Variants in NCAM2 observed in about 807,000 individuals in gnomAD.
The protein encoded by NCAM2 is neural cell adhesion molecule 2, also known as N-CAM-2.
NCAM2 carries 30 observed loss-of-function variants against 98.1 expected under a neutral mutation model. The ratio of observed to expected loss-of-function variants is 0.31; its 90% confidence interval spans 0.23 to 0.41. The LOEUF is 0.41. NCAM2 is among the 10% of genes least tolerant of loss of function. The pLI, the probability that NCAM2 is intolerant of heterozygous loss-of-function variation, is 1.00. For missense variants in NCAM2, 867 were observed against 1,005.8 expected (o/e 0.86, Z 1.87); for synonymous variants, 368 against 342.4 (o/e 1.07, Z -0.83).
At chr21:21,534,471 TG>T in intron 16 of NCAM2, 65 bp from the exon 17 acceptor site, 1 of 1,318,192 alleles carries the variant, frequency 7.6e-7, no homozygotes, top group Non-Finnish European at 1.0e-6. Context: ...TTTTAAACTC[TG>T]TTTTTTTCCA....
chr21:21,443,504 T>C (rs1409454279), intron 12 of NCAM2, among the ~76,000 whole-genome samples: 1 of 152,160 alleles, frequency 6.6e-6, no homozygotes, highest in African/African-American at 2.4e-5. Context: ...CTGTGTATTT[T>C]TATGTATATT....
intron 1 of NCAM2, among the ~76,000 whole-genome samples, chr21:21,075,700 A>G (rs2065666792): frequency 6.6e-6 from 1 of 152,060 alleles, no homozygotes; most frequent in Non-Finnish European, 1.5e-5. Flanking sequence ...TTTTATTTTT[A>G]TCATAAATGG....
At chr21:21,231,655 C>T (rs2070632455) in intron 1 of NCAM2, among the ~76,000 whole-genome samples, 1 of 151,000 alleles carries the variant, frequency 6.6e-6, no homozygotes, top group Non-Finnish European at 1.5e-5. Flanking sequence ...TAAAAATTTC[C>T]ATCGGAGTAA....
chr21:21,015,388 C>A (rs569344532), intron 1 of NCAM2, among the ~76,000 whole-genome samples: 4 of 152,240 alleles, frequency 2.6e-5, no homozygotes, highest in South Asian at 4.2e-4. Flanking sequence ...TGAGCAAACC[C>A]CTACCCTGAT....
chr21:21,414,122 G>C (rs1268905044), intron 10 of NCAM2, among the ~76,000 whole-genome samples: 1 of 152,126 alleles, frequency 6.6e-6, no homozygotes, highest in Non-Finnish European at 1.5e-5. Context: ...TCCATGAAGA[G>C]CAATTTTCCC....
At chr21:21,374,310 T>C (rs1021156948) in intron 9 of NCAM2, among the ~76,000 whole-genome samples, 1 of 151,878 alleles carries the variant, frequency 6.6e-6, no homozygotes, top group Non-Finnish European at 1.5e-5. Context: ...TAATTATCAG[T>C]AATTGGTCGA....
intron 1 of NCAM2, among the ~76,000 whole-genome samples, chr21:21,028,803 G>C (rs1403440242): frequency 1.3e-5 from 2 of 152,148 alleles, no homozygotes; most frequent in African/African-American, 4.8e-5. Flanking sequence ...AAGACACCTG[G>C]TCGTATTTAA....
intron 15 of NCAM2, among the ~76,000 whole-genome samples, chr21:21,493,963 A>G (rs9979523): frequency 0.086 from 13,084 of 151,980 alleles, 716 homozygotes; most frequent in East Asian, 0.27. Context: ...TGCTTAAAAT[A>G]TGTAGTTTTA....
chr21:21,344,857 C>T (rs1052219857), intron 8 of NCAM2, among the ~76,000 whole-genome samples: 1 of 152,122 alleles, frequency 6.6e-6, no homozygotes, highest in African/African-American at 2.4e-5. Flanking sequence ...AGGTCTAAAA[C>T]AGCACAGCCA....
chr21:21,519,861 C>A (rs2826878), intron 16 of NCAM2, among the ~76,000 whole-genome samples: 49,919 of 151,896 alleles, frequency 0.33, 9,609 homozygotes, highest in East Asian at 0.61. Flanking sequence ...CTAGCTCTTT[C>A]ATGTTTTCAA....
intron 1 of NCAM2, among the ~76,000 whole-genome samples, chr21:21,157,990 A>G (rs2067666846): frequency 1.3e-5 from 2 of 152,220 alleles, no homozygotes; most frequent in South Asian, 2.1e-4. Context: ...CTCTGAAGTC[A>G]GCCTGGGCCT....
At position 21,159,540 on chromosome 21, in the gene NCAM2, C is replaced by T. The variant is rs189199630; in HGVS notation, c.56-121038C>T. Among the ~76,000 whole-genome samples the T allele has an allele frequency of 2.8e-4, 43 of 152,138 alleles. 1 individual carries two copies. The highest frequency in any genetic ancestry group is 1.9e-3 in the Admixed American group (29 of 15,260). Reference sequence around the variant, plus strand: ...ATGTTTAGATACACAAATAATTAACCATTGTATTACAGTTGCCTCCAGTAT... The same window carrying T: ...ATGTTTAGATACACAAATAATTAACTATTGTATTACAGTTGCCTCCAGTAT... On this transcript the variant is annotated intron_variant, in intron 1 of 17. Transcript: ENST00000400546.
At chr21:21,529,044 A>T (rs1309524805) in intron 16 of NCAM2, among the ~76,000 whole-genome samples, 2 of 152,132 alleles carry the variant, frequency 1.3e-5, no homozygotes, top group African/African-American at 2.4e-5. Flanking sequence ...CATCCTTTCT[A>T]TAATATGTAA....
At chr21:21,152,609 A>G (rs2067479766) in intron 1 of NCAM2, among the ~76,000 whole-genome samples, 1 of 151,970 alleles carries the variant, frequency 6.6e-6, no homozygotes, top group East Asian at 1.9e-4. Flanking sequence ...TTGTGGAGCC[A>G]GTACTCTAGA....
intron 15 of NCAM2, among the ~76,000 whole-genome samples, chr21:21,497,605 A>G (rs552353035): frequency 1.8e-3 from 280 of 152,304 alleles, no homozygotes; most frequent in African/African-American, 6.6e-3. Context: ...GAGTTTATTT[A>G]CAAAACAATT....
intron 1 of NCAM2, among the ~76,000 whole-genome samples, chr21:21,247,350 A>C (rs746807201): frequency 3.9e-5 from 6 of 152,202 alleles, no homozygotes; most frequent in Non-Finnish European, 8.8e-5. Flanking sequence ...TTAATTAAAC[A>C]GAGGGATTTT....
chr21:21,490,956 A>C (rs1986801469), intron 15 of NCAM2, among the ~76,000 whole-genome samples: 1 of 151,842 alleles, frequency 6.6e-6, no homozygotes, highest in Non-Finnish European at 1.5e-5. Flanking sequence ...CCATTGTTGT[A>C]ATAAAGAAAA....
rs1015381139 is a variant in NCAM2, at chr21:21,233,420, C to A, written c.56-47158C>A. On this transcript the variant is annotated intron_variant, in intron 1 of 17. Coordinates refer to ENST00000400546, the MANE Select transcript of NCAM2 (RefSeq NM_004540.5). The stretch of plus-strand genomic sequence containing the variant: ...GATTTCATTTTTTTATTTTAATAGT[C>A]AAAAATATATGTTTCTTAACTCCTT... 2.6e-4 allele frequency among the ~76,000 whole-genome samples: 40 copies of A among 151,326 alleles called. 1 individual carries two copies. Among genetic ancestry groups the A allele is most frequent in the Non-Finnish European group, 7.4e-5 (5 of 67,592 alleles).
intron 11 of NCAM2, among the ~76,000 whole-genome samples, chr21:21,427,518 T>C (rs900862936): frequency 2.6e-5 from 4 of 152,170 alleles, no homozygotes; most frequent in Non-Finnish European, 5.9e-5. Context: ...ATCTCACTTA[T>C]ATGTGGAATT....
Sources: gnomAD v4.1 joint callset for allele counts (sites outside exome capture counted in the v4.1 genomes callset) on GRCh38, gnomAD v4.1.1 for gene constraint, MANE v1.5 for transcripts, NCBI Gene and HGNC (gene_info 2026-07-23, HGNC 2026-07-21) for gene names.